The following WDR62 variants were observed in gnomAD, a reference collection of about 807,000 sequenced individuals.
WDR62 encodes WD repeat domain 62, also known as WD repeat-containing protein 62.
Under a neutral mutation model 160.6 loss-of-function variants are expected in WDR62, and 112 were observed. That is an observed-to-expected ratio of 0.70 (90% confidence interval 0.60 to 0.82). The LOEUF is 0.82. Among genes scored for constraint, WDR62 ranks in the 40% least tolerant of loss-of-function variants. The probability of loss-of-function intolerance (pLI) is 0.00; values close to 1 mark genes in which losing one functional copy is unlikely to be tolerated. For synonymous variants in WDR62, 792 were observed against 815.1 expected, an observed-to-expected ratio of 0.97 and a Z score of 0.48; for missense variants, 1,819 against 1,983.8, an observed-to-expected ratio of 0.92 and a Z score of 1.58.
At chr19:36,096,059 C>T (rs1280037222) in intron 20 of WDR62, among the ~76,000 whole-genome samples, 1 of 152,182 alleles carries the variant, frequency 6.6e-6, no homozygotes, top group Non-Finnish European at 1.5e-5. Context: ...GGAGTAGCAC[C>T]ACTGGATCCT....
intron 9 of WDR62, among the ~76,000 whole-genome samples, chr19:36,078,219 C>T (rs1366913480): frequency 4.6e-5 from 7 of 151,614 alleles, no homozygotes; most frequent in Admixed American, 4.6e-4. Flanking sequence ...ATGATCTCCG[C>T]TCACTGCAAC....
At chr19:36,070,060 T>C (rs878949327) in intron 7 of WDR62, among the ~76,000 whole-genome samples, 1 of 140,680 alleles carries the variant, frequency 7.1e-6, no homozygotes, top group South Asian at 2.3e-4. Flanking sequence ...GAGAGGAGGA[T>C]TGCATTTTTT....
Position 36,105,052 on chromosome 19 carries a change from CCTG to C in WDR62, c.*30_*32del. On this transcript the variant is annotated 3_prime_UTR_variant, in exon 32 of 32. Coordinates refer to ENST00000401500, the MANE Select transcript of WDR62 (RefSeq NM_001083961.2). ...GAGGGCGCAGCCCCTCCACCGCAGC[CCTG>C]CTGCTTCTGAGGACTTAGGTATTTT... The C allele has an allele frequency of 1.9e-6, 3 of 1,588,210 alleles. No homozygotes were observed. The highest frequency in any genetic ancestry group is 2.6e-6 in the Non-Finnish European group (3 of 1,174,050).
At chr19:36,064,196 C>G (rs543920023) in intron 3 of WDR62, among the ~76,000 whole-genome samples, 6 of 152,334 alleles carry the variant, frequency 3.9e-5, no homozygotes. Flanking sequence ...GGCTTAAAAC[C>G]CAAGAGCATG....
chr19:36,066,368 A>C lies in WDR62; in HGVS notation c.502A>C (p.Lys168Gln). The change falls in exon 5 of 32, where the codon AAG (lysine) becomes CAG (glutamine). Residue 168 changes from lysine (K) to glutamine (Q), a missense_variant. This residue lies in a region of WDR62 where 934 missense variants were observed against 1,157.2 expected (regional missense o/e 0.81). Transcript: ENST00000401500. ...GTGTGTGGCCTTCTCACCCAATATGAAGCACATCGTGTCCATGGGCTACCA... is the reference window on the plus strand; with the variant it reads ...GTGTGTGGCCTTCTCACCCAATATGCAGCACATCGTGTCCATGGGCTACCA... ...VACVAFSPNM[K>Q]HIVSMGYQHD... 3 of 1,613,662 alleles carry C rather than the reference A, an allele frequency of 1.9e-6. No homozygotes were observed. Among genetic ancestry groups the C allele is most frequent in the Non-Finnish European group, 2.5e-6 (3 of 1,179,782 alleles).
At chr19:36,093,924 A>G (rs1972790807) in intron 19 of WDR62, 107 bp from the exon 20 acceptor site, 1 of 1,423,724 alleles carries the variant, frequency 7.0e-7, no homozygotes, top group Non-Finnish European at 9.9e-7. Context: ...CCAGCAGCCA[A>G]GAATATGTTC....
At chr19:36,079,866 C>T (rs981332101) in intron 9 of WDR62, among the ~76,000 whole-genome samples, 1 of 152,064 alleles carries the variant, frequency 6.6e-6, no homozygotes, top group Non-Finnish European at 1.5e-5. Flanking sequence ...TAAATGTTGT[C>T]TGTAGGTTTG....
chr19:36,087,676 G>T (rs8106161), intron 13 of WDR62, among the ~76,000 whole-genome samples: 2 of 145,632 alleles, frequency 1.4e-5, no homozygotes, highest in Non-Finnish European at 3.0e-5. Context: ...AAAAGTAACC[G>T]GGCATGGTGG....
At chr19:36,107,661 G>C (rs1366828378), downstream of WDR62, among the ~76,000 whole-genome samples, 1 of 152,004 alleles carries the variant, frequency 6.6e-6, no homozygotes, top group Non-Finnish European at 1.5e-5. Flanking sequence ...GATGTGCTTG[G>C]ACCATCTCTC....
intron 20 of WDR62, among the ~76,000 whole-genome samples, chr19:36,094,862 T>C (rs1490148455): frequency 6.6e-6 from 1 of 151,850 alleles, no homozygotes; most frequent in African/African-American, 2.4e-5. Context: ...CAAGACCCCG[T>C]TCCTACAAAA....
In WDR62 at chr19:36,103,252, A is replaced by T. The variant is rs756169635; in HGVS notation, c.3514+45A>T. ...ACGGACAGTCCTGGGTTTCTCGGCG[A>T]GTGGCCGGATGTCCAGCCTAGCTGT... On this transcript the variant is annotated intron_variant, in intron 29 of 31. Transcript: ENST00000401500. The T allele has an allele frequency of 1.9e-6, 3 of 1,611,776 alleles. No individual in the cohort carries two copies. In the South Asian group the frequency reaches 3.3e-5, roughly 18 times the overall value.
Position 36,094,217 on chromosome 19 carries a change from G to T in WDR62, c.2467+53G>T, listed in dbSNP as rs889048602. ...ATGTCAGTGTAGGGAATCATTGCTGGGTTTTGCCCATGACCTTGTTTACAG... is the reference window on the plus strand; with the variant it reads ...ATGTCAGTGTAGGGAATCATTGCTGTGTTTTGCCCATGACCTTGTTTACAG... On this transcript the variant is annotated intron_variant, in intron 20 of 31. Coordinates refer to ENST00000401500, the MANE Select transcript of WDR62 (RefSeq NM_001083961.2). 5 of 1,610,706 alleles carry T rather than the reference G, an allele frequency of 3.1e-6. No homozygotes were observed. The East Asian group carries it at 8.9e-5, about 29-fold the overall frequency.
chr19:36,095,710 C>T (rs949060751), intron 20 of WDR62, among the ~76,000 whole-genome samples: 1 of 152,218 alleles, frequency 6.6e-6, no homozygotes, highest in Non-Finnish European at 1.5e-5. Flanking sequence ...AGGAGAATTG[C>T]TTGAACCTGG....
At chr19:36,071,480 G>C in intron 7 of WDR62, 76 bp from the exon 8 acceptor site, 2 of 1,575,458 alleles carry the variant, frequency 1.3e-6, no homozygotes. Flanking sequence ...GCCTAAGGCT[G>C]CTCTGTCAGT....
intron 18 of WDR62, among the ~76,000 whole-genome samples, chr19:36,091,898 A>G (rs890989710): frequency 2.0e-5 from 3 of 151,626 alleles, no homozygotes; most frequent in Non-Finnish European, 1.5e-5. Context: ...AAAACAAAAC[A>G]CTAAAAAAAC....
intron 15 of WDR62, among the ~76,000 whole-genome samples, chr19:36,089,551 C>G (rs1455377387): frequency 1.3e-5 from 2 of 152,192 alleles, no homozygotes; most frequent in Middle Eastern, 3.2e-3. Context: ...AAGTGATTCT[C>G]CTGCCTCAGC....
At position 36,101,693 on chromosome 19, in the gene WDR62, T is replaced by G. The variant is rs996367390; in HGVS notation, c.3001T>G (p.Cys1001Gly). ...GGGGGAGTCAGAGGCCGACCTGGAG[T>G]GCAGCTTCGCAGCCATCCACTCCCC... ...DSGESEADLE[C>G]SFAAIHSPAP... is the part of the protein sequence containing the mutation. Residue 1001 changes from cysteine (C) to glycine (G), a missense_variant, in exon 25 of 32, where the codon TGC (cysteine) becomes GGC (glycine). Physicochemically the swap from Cys to Gly is radical, Grantham distance 159. Coordinates refer to ENST00000401500, the MANE Select transcript of WDR62 (RefSeq NM_001083961.2). 2.6e-6 allele frequency: 4 copies of G among 1,550,814 alleles called. No individual in the cohort carries two copies. Among genetic ancestry groups the G allele is most frequent in the Non-Finnish European group, 2.6e-6 (3 of 1,146,952 alleles).
intron 15 of WDR62, among the ~76,000 whole-genome samples, chr19:36,090,134 G>C (rs879926308): frequency 1.3e-5 from 2 of 152,184 alleles, no homozygotes; most frequent in Admixed American, 1.3e-4. Flanking sequence ...GTGGAGGAGC[G>C]AGCCAGGGGG....
intron 7 of WDR62, 73 bp downstream of exon 7, chr19:36,068,083 G>T: frequency 1.3e-6 from 2 of 1,528,078 alleles, no homozygotes; most frequent in Non-Finnish European, 1.8e-6. Context: ...GTGCTCATCA[G>T]CATTGACCAC....
Sources: gnomAD v4.1 joint callset for allele counts (sites outside exome capture counted in the v4.1 genomes callset) on GRCh38, gnomAD v4.1.1 for gene constraint, gnomAD v4.1.1 regional missense constraint, MANE v1.5 for transcripts, NCBI Gene and HGNC (gene_info 2026-07-23, HGNC 2026-07-21) for gene names.